Variants in DIAPH2 observed in about 807,000 individuals in gnomAD.
DIAPH2 encodes the protein protein diaphanous homolog 2.
Under a neutral mutation model 92.7 loss-of-function variants are expected in DIAPH2, and 35 were observed. That is an observed-to-expected ratio of 0.38 (90% CI 0.29 to 0.50). DIAPH2 has a LOEUF of 0.50. Ranked by LOEUF, DIAPH2 falls within the 20% of genes least tolerant of loss-of-function variation. The pLI is 0.94. For synonymous variants in DIAPH2, 301 were observed against 280.4 expected (o/e 1.07, Z -0.73); for missense variants, 701 against 819.5 (o/e 0.86, Z 1.77).
chrX:96,794,738 C>T (rs1013751555), intron 4 of DIAPH2, among the ~76,000 whole-genome samples: 4 of 111,907 alleles, frequency 3.6e-5, no homozygotes, highest in Non-Finnish European at 7.5e-5. Context: ...CCATAACAAA[C>T]TAACATAAAC....
chrX:97,159,645 C>G (rs1001314752), intron 22 of DIAPH2, among the ~76,000 whole-genome samples: 1 of 111,778 alleles, frequency 8.9e-6, no homozygotes, highest in Non-Finnish European at 1.9e-5. Flanking sequence ...TGCATACAAC[C>G]ATAGCCACAT....
intron 23 of DIAPH2, among the ~76,000 whole-genome samples, chrX:97,291,928 TA>T (rs1370676571): frequency 8.9e-6 from 1 of 111,741 alleles, no homozygotes; most frequent in Non-Finnish European, 1.9e-5. Flanking sequence ...AGTTTACAGA[TA>T]AGGAAACAGT....
chrX:97,477,936 T>C (rs2070623725), intron 26 of DIAPH2, among the ~76,000 whole-genome samples: 1 of 111,347 alleles, frequency 9.0e-6, no homozygotes, highest in African/African-American at 3.3e-5. Context: ...ACTTGTCCAA[T>C]TACAGGTCTT....
At chrX:97,311,433 C>A (rs1260697491) in intron 23 of DIAPH2, among the ~76,000 whole-genome samples, 2 of 111,536 alleles carry the variant, frequency 1.8e-5, no homozygotes, top group Admixed American at 9.6e-5. Context: ...TTTTATTACT[C>A]AAATCAGTCT....
intron 17 of DIAPH2, among the ~76,000 whole-genome samples, chrX:97,059,799 G>T (rs1354364135): frequency 9.0e-5 from 10 of 111,504 alleles, no homozygotes; most frequent in South Asian, 3.8e-4. Context: ...GGAAGGGGAA[G>T]AGGAGAGATT....
intron 22 of DIAPH2, among the ~76,000 whole-genome samples, chrX:97,182,777 T>C (rs1188426595): frequency 9.0e-6 from 1 of 111,410 alleles, no homozygotes; most frequent in Non-Finnish European, 1.9e-5. Context: ...GGGGAGAAAT[T>C]ATTTTTGAAC....
intron 26 of DIAPH2, chrX:97,528,486 G>A (rs2071038150): frequency 8.9e-6 from 1 of 111,925 alleles, no homozygotes; most frequent in South Asian, 3.8e-4. Flanking sequence ...GAAGGAGAAG[G>A]GGAGCTGGCA....
At chrX:97,166,835 C>T (rs1301911192) in intron 22 of DIAPH2, among the ~76,000 whole-genome samples, 2 of 112,027 alleles carry the variant, frequency 1.8e-5, no homozygotes, top group African/African-American at 6.5e-5. Flanking sequence ...CTATCCTGAA[C>T]TCTGTGTCTG....
chrX:96,885,275 A>G, intron 5 of DIAPH2: 1 of 440,872 alleles, frequency 2.3e-6, no homozygotes. Flanking sequence ...TGAAGCTCAG[A>G]GAGAGACGGT....
chrX:97,028,234 G>T (rs776232817), intron 17 of DIAPH2, among the ~76,000 whole-genome samples: 1 of 110,885 alleles, frequency 9.0e-6, no homozygotes, highest in Non-Finnish European at 1.9e-5. Flanking sequence ...CAGTGCATCT[G>T]CTACTTTCCA....
At chrX:96,753,992 G>T (rs1266743666) in intron 3 of DIAPH2, among the ~76,000 whole-genome samples, 1 of 112,221 alleles carries the variant, frequency 8.9e-6, no homozygotes, top group East Asian at 2.8e-4. Context: ...TGGAGACTAA[G>T]CCACATGCCT....
chrX:96,691,866 G>A (rs1049590819), intron 1 of DIAPH2, among the ~76,000 whole-genome samples: 3 of 111,681 alleles, frequency 2.7e-5, no homozygotes, highest in African/African-American at 6.5e-5. Context: ...GAATTATTCC[G>A]AAATGGCTGT....
chrX:97,275,763 G>A (rs866824251), intron 23 of DIAPH2, among the ~76,000 whole-genome samples: 4 of 107,999 alleles, frequency 3.7e-5, no homozygotes, highest in Admixed American at 2.9e-4. Context: ...ACGGGATGGC[G>A]GCCGGGAAGA....
intron 5 of DIAPH2, among the ~76,000 whole-genome samples, chrX:96,891,373 C>T (rs960567855): frequency 8.9e-6 from 1 of 112,031 alleles, no homozygotes; most frequent in African/African-American, 3.2e-5. Flanking sequence ...TAAAGTAAAT[C>T]CCAATCTGCC....
chrX:97,368,958 T>TGCAATG (rs2069413042), intron 24 of DIAPH2, among the ~76,000 whole-genome samples: 2 of 88,397 alleles, frequency 2.3e-5, no homozygotes, highest in Admixed American at 3.2e-4. Context: ...CAGACTGGAG[T>TGCAATG]GCAATGGCAC....
intron 26 of DIAPH2, among the ~76,000 whole-genome samples, chrX:97,475,977 T>A (rs2070599818): frequency 8.9e-6 from 1 of 111,951 alleles, no homozygotes; most frequent in Non-Finnish European, 1.9e-5. Flanking sequence ...AATCTACCTA[T>A]GTGCATCATA....
At chrX:96,919,412 C>G (rs144648457) in intron 9 of DIAPH2, among the ~76,000 whole-genome samples, 1,981 of 111,467 alleles carry the variant, frequency 0.018, 51 homozygotes, top group African/African-American at 0.061. Flanking sequence ...GAATTTGATT[C>G]CAGGTTTTTG....
chrX:97,443,017 C>T (rs2070275062), intron 26 of DIAPH2, among the ~76,000 whole-genome samples: 1 of 110,909 alleles, frequency 9.0e-6, no homozygotes, highest in African/African-American at 3.3e-5. Context: ...CAACCCCACC[C>T]CCAGCCTCCC....
At chrX:97,558,973 T>G (rs1372182147) in intron 26 of DIAPH2, among the ~76,000 whole-genome samples, 2 of 112,143 alleles carry the variant, frequency 1.8e-5, no homozygotes, top group East Asian at 5.6e-4. Context: ...TCTCTCATCA[T>G]GCTGGGTAGC....
Sources: gnomAD v4.1 joint callset for allele counts (sites outside exome capture counted in the v4.1 genomes callset) on GRCh38, gnomAD v4.1.1 for gene constraint, MANE v1.5 for transcripts, NCBI Gene and HGNC (gene_info 2026-07-23, HGNC 2026-07-21) for gene names.